The following NRXN3 variants were observed in gnomAD, a reference collection of about 807,000 sequenced individuals.
The protein encoded by NRXN3 is neurexin 3.
Under a neutral mutation model 137.6 loss-of-function variants are expected in NRXN3, and 32 were observed. The ratio of observed to expected loss-of-function variants is 0.23; its 90% CI spans 0.18 to 0.31. The LOEUF (loss-of-function observed/expected upper bound fraction) is 0.31. Among genes scored for constraint, NRXN3 ranks in the 10% least tolerant of loss-of-function variants. NRXN3 has a pLI of 1.00. For synonymous variants in NRXN3, 798 were observed against 784.5 expected (o/e 1.02, Z -0.29); for missense variants, 1,574 against 2,062.5 (o/e 0.76, Z 4.59).
chr14:78,223,246 C>T (rs1288103655), intron 1 of NRXN3, among the ~76,000 whole-genome samples: 1 of 152,206 alleles, frequency 6.6e-6, no homozygotes, highest in African/African-American at 2.4e-5. Flanking sequence ...CTCTTGGAAT[C>T]TTTAATATTC....
At chr14:79,119,531 A>C (rs1483471001) in intron 15 of NRXN3, among the ~76,000 whole-genome samples, 1 of 152,204 alleles carries the variant, frequency 6.6e-6, no homozygotes, top group Non-Finnish European at 1.5e-5. Flanking sequence ...AACACTATTA[A>C]AAAGATATAT....
At chr14:78,531,783 T>C (rs930065084) in intron 4 of NRXN3, among the ~76,000 whole-genome samples, 1 of 152,160 alleles carries the variant, frequency 6.6e-6, no homozygotes, top group Non-Finnish European at 1.5e-5. Context: ...TCTTACTTTT[T>C]GTCCTTAGGG....
chr14:79,806,847 G>A (rs1386065297), intron 20 of NRXN3, among the ~76,000 whole-genome samples: 2 of 144,372 alleles, frequency 1.4e-5, no homozygotes, highest in Non-Finnish European at 3.0e-5. Context: ...TAGATATTAA[G>A]GGTTCATATA....
intron 15 of NRXN3, among the ~76,000 whole-genome samples, chr14:79,402,265 C>T (rs10873321): frequency 0.76 from 114,900 of 152,040 alleles, 43,637 homozygotes; most frequent in Middle Eastern, 0.87. Flanking sequence ...TTCAGTTACT[C>T]TCTCATTCAC....
At chr14:78,674,333 A>C (rs375880474) in intron 6 of NRXN3, among the ~76,000 whole-genome samples, 15 of 152,352 alleles carry the variant, frequency 9.8e-5, no homozygotes, top group Admixed American at 7.8e-4. Flanking sequence ...ATTATTCTGC[A>C]AATAATGGGG....
intron 16 of NRXN3, among the ~76,000 whole-genome samples, chr14:79,655,376 G>A (rs1049704361): frequency 1.3e-5 from 2 of 152,142 alleles, no homozygotes; most frequent in Non-Finnish European, 2.9e-5. Context: ...AGAGCTTATC[G>A]ATACATACTT....
intron 4 of NRXN3, among the ~76,000 whole-genome samples, chr14:78,418,008 C>G (rs928112433): frequency 6.6e-6 from 1 of 152,172 alleles, no homozygotes; most frequent in East Asian, 1.9e-4. Flanking sequence ...CCACCCATCT[C>G]AGCCTCCCAA....
intron 15 of NRXN3, among the ~76,000 whole-genome samples, chr14:79,399,548 G>A (rs528502140): frequency 6.6e-6 from 1 of 152,162 alleles, no homozygotes; most frequent in South Asian, 2.1e-4. Context: ...GTCTACAAAC[G>A]GCATGGTGGG....
intron 4 of NRXN3, among the ~76,000 whole-genome samples, chr14:78,364,260 G>C (rs1196561307): frequency 6.6e-6 from 1 of 152,174 alleles, no homozygotes; most frequent in Non-Finnish European, 1.5e-5. Flanking sequence ...CTCTGGCCTT[G>C]GGATAGGTAA....
At chr14:79,298,782 G>A (rs1251733485) in intron 15 of NRXN3, 3 of 152,222 alleles carry the variant, frequency 2.0e-5, no homozygotes, top group Admixed American at 2.0e-4. Context: ...CTGGGAATTT[G>A]AATTTCTCAA....
Position 78,943,618 on chromosome 14 carries a change from AAAAATATATATATATATATATATAT to A in NRXN3, c.2276-13622_2276-13598del, listed in dbSNP as rs1317381524. 5.5e-3 allele frequency among the ~76,000 whole-genome samples: 218 copies of A among 39,950 alleles called. 8 individuals carry two copies. Among genetic ancestry groups the A allele is most frequent in the Non-Finnish European group, 7.2e-3 (163 of 22,688 alleles). The allele number at this position is 39,950 out of a possible 152,430, so 26.2% of individuals were successfully genotyped here. ...AGAAGCAAGATCACTGTTAAAAAAA[AAAAATATATATATATATATATATAT>A]ATATATATATATATATATATATATA... On this transcript the variant is annotated intron_variant, in intron 10 of 20. Coordinates refer to ENST00000335750, the MANE Select transcript of NRXN3 (RefSeq NM_001330195.2).
intron 4 of NRXN3, among the ~76,000 whole-genome samples, chr14:78,366,302 T>C (rs990195637): frequency 2.6e-5 from 4 of 152,322 alleles, no homozygotes; most frequent in African/African-American, 9.6e-5. Flanking sequence ...CTGAGGTAGC[T>C]CTGAGAGAGC....
intron 15 of NRXN3, among the ~76,000 whole-genome samples, chr14:79,220,395 C>G (rs1029318802): frequency 6.6e-6 from 1 of 152,160 alleles, no homozygotes; most frequent in African/African-American, 2.4e-5. Context: ...GATAGCTTCC[C>G]CCATCAGGAG....
intron 4 of NRXN3, among the ~76,000 whole-genome samples, chr14:78,595,829 A>G (rs1300768630): frequency 1.3e-5 from 2 of 152,138 alleles, no homozygotes. Flanking sequence ...TAACTCATCA[A>G]ACTATTCCTG....
intron 15 of NRXN3, among the ~76,000 whole-genome samples, chr14:79,396,031 A>G (rs1007021771): frequency 2.0e-5 from 3 of 152,194 alleles, no homozygotes; most frequent in African/African-American, 7.2e-5. Flanking sequence ...GCACATATAT[A>G]CTATATATAC....
chr14:79,176,001 G>A (rs571605124), intron 15 of NRXN3, among the ~76,000 whole-genome samples: 1 of 152,310 alleles, frequency 6.6e-6, no homozygotes, highest in South Asian at 2.1e-4. Flanking sequence ...CCTTTAGGAA[G>A]TTTATGAACT....
intron 1 of NRXN3, among the ~76,000 whole-genome samples, chr14:78,183,764 T>A (rs930607571): frequency 2.0e-5 from 3 of 152,128 alleles, no homozygotes; most frequent in African/African-American, 4.8e-5. Context: ...TTTCTTCAGG[T>A]CTTGGGGTAA....
intron 4 of NRXN3, among the ~76,000 whole-genome samples, chr14:78,601,130 T>A (rs978295622): frequency 1.1e-4 from 16 of 152,234 alleles, no homozygotes; most frequent in Non-Finnish European, 1.5e-5. Flanking sequence ...GGATACAGTT[T>A]TGCAGCTGAA....
intron 1 of NRXN3, among the ~76,000 whole-genome samples, chr14:78,194,677 A>T (rs1474843371): frequency 6.6e-6 from 1 of 152,146 alleles, no homozygotes; most frequent in Non-Finnish European, 1.5e-5. Context: ...GGGTGGGGTG[A>T]GCCAGAATGA....
Sources: gnomAD v4.1 joint callset for allele counts (sites outside exome capture counted in the v4.1 genomes callset) on GRCh38, gnomAD v4.1.1 for gene constraint, MANE v1.5 for transcripts, NCBI Gene and HGNC (gene_info 2026-07-23, HGNC 2026-07-21) for gene names.